Variants in KCNC4 observed in about 807,000 individuals in gnomAD.
The protein encoded by KCNC4 is potassium voltage-gated channel subfamily C member 4.
Under a neutral mutation model 42.8 loss-of-function variants are expected in KCNC4, and 23 were observed. The ratio of observed to expected loss-of-function variants is 0.54; its 90% CI spans 0.39 to 0.76. The LOEUF (loss-of-function observed/expected upper bound fraction) is 0.76. KCNC4 is among the 30% of genes least tolerant of loss of function. The pLI, the probability that KCNC4 is intolerant of heterozygous loss-of-function variation, is 0.00. For missense variants in KCNC4, 751 were observed against 898.2 expected, an observed-to-expected ratio of 0.84 and a Z score of 2.10; for synonymous variants, 422 against 393.5, an observed-to-expected ratio of 1.07 and a Z score of -0.86.
intron 1 of KCNC4, among the ~76,000 whole-genome samples, chr1:110,214,490 C>T (rs1657671581): frequency 6.6e-6 from 1 of 152,188 alleles, no homozygotes; most frequent in Admixed American, 6.5e-5. Context: ...TGAATAACTG[C>T]TCATTATTGA....
rs372407799 is a variant in KCNC4 at position 110,223,802 on chromosome 1, T to C, written c.1517T>C (p.Met506Thr). 11 of 1,613,988 alleles carry C rather than the reference T, an allele frequency of 6.8e-6. No homozygotes were observed. The African/African-American group carries it at 1.2e-4, about 18-fold the overall frequency. The change falls in exon 2 of 4, where the codon ATG becomes ACG. Residue 506 changes from methionine (M) to threonine (T), a missense_variant. Transcript: ENST00000438661. The surrounding 1 kb of genome is among the most constrained non-coding windows in gnomAD (Gnocchi z 7.5). ...CGGCCGGCGCAGCTGGAGTCACCCA[T>C]GTACTGCAAGTCTGAGGAGACTTCC... Reference protein sequence around the residue: ...VPRPAQLESPMYCKSEETSPR... With the variant: ...VPRPAQLESPTYCKSEETSPR...
chr1:110,238,707 C>T (rs978971262), downstream of KCNC4: 4 of 152,172 alleles, frequency 2.6e-5, no homozygotes, highest in Non-Finnish European at 4.4e-5. Flanking sequence ...CCTCCCTGGT[C>T]CCCCTCAGCG....
chr1:110,226,141 T>C lies in KCNC4; in HGVS notation c.1782T>C (p.Thr594=), dbSNP rs1470661090. The C allele has an allele frequency of 5.0e-6, 8 of 1,614,028 alleles. No individual in the cohort carries two copies. Among genetic ancestry groups the C allele is most frequent in the African/African-American group, 1.3e-5 (1 of 74,980 alleles). ...CAGCTGCCTGCTTCCTGCTCAGCAC[T>C]GGGGACTATGCCTGCGCCGATGGTA... ...KKAAACFLLS[T]GDYACADGSV... is the part of the protein sequence containing the mutation. Residue 594 remains threonine, a synonymous_variant, in exon 3 of 4, where the codon ACT becomes ACC. Coordinates refer to ENST00000438661, the MANE Select transcript of KCNC4 (RefSeq NM_001039574.3).
At chr1:110,213,552 A>C (rs1657622434) in intron 1 of KCNC4, among the ~76,000 whole-genome samples, 1 of 152,210 alleles carries the variant, frequency 6.6e-6, no homozygotes, top group African/African-American at 2.4e-5. Context: ...TGCCTGGAAG[A>C]GAAGGGAGGA....
rs776168133 is a variant in KCNC4 at position 110,223,554 on chromosome 1, C to A, written c.1269C>A (p.Ile423=). The change falls in exon 2 of 4, where the codon ATC becomes ATA. Residue 423 remains isoleucine (I), a synonymous_variant. Coordinates refer to ENST00000438661, the MANE Select transcript of KCNC4 (RefSeq NM_001039574.3). The surrounding 1 kb of genome is among the most constrained non-coding windows in gnomAD (Gnocchi z 7.5). The part of the protein sequence containing the change: ...RGNDHTDFKN[I]PIGFWWAVVT... The stretch of plus-strand genomic sequence containing the variant: ...ATGACCACACCGACTTCAAGAACAT[C>A]CCCATTGGCTTCTGGTGGGCTGTGG... 5.6e-6 allele frequency: 9 copies of A among 1,614,026 alleles called. No individual in the cohort carries two copies. The highest frequency in any genetic ancestry group is 2.5e-6 in the Non-Finnish European group (3 of 1,180,040).
intron 3 of KCNC4, among the ~76,000 whole-genome samples, chr1:110,231,825 A>G (rs57201143): frequency 0.39 from 57,296 of 148,260 alleles, 11,470 homozygotes; most frequent in Non-Finnish European, 0.44. Context: ...TGGGGCATAC[A>G]GTCTTAAGAA....
chr1:110,211,254 C>T lies in KCNC4; in HGVS notation c.-246C>T, dbSNP rs541678742. ...GCTTCTACTTCCCCGGGTCCTCCCT[C>T]TCTGCGCCTCCCTCTCTCCGGAGCT... On this transcript the variant is annotated 5_prime_UTR_variant, in exon 1 of 4. Coordinates refer to ENST00000438661, the MANE Select transcript of KCNC4 (RefSeq NM_001039574.3). This position sits in a 1 kb window ranked among gnomAD's most constrained non-coding sequence, Gnocchi z 6.5. 1.3e-3 allele frequency: 722 copies of T among 554,212 alleles called. 2 individuals are homozygous for T. Among genetic ancestry groups the T allele is most frequent in the Non-Finnish European group, 2.1e-3 (653 of 315,712 alleles). 34.3% of individuals were successfully genotyped at this position (554,212 alleles called of 1,614,324 possible).
chr1:110,262,502 G>A (rs74834175), intron 1 of KCNC4, among the ~76,000 whole-genome samples: 17,568 of 152,150 alleles, frequency 0.12, 1,414 homozygotes, highest in African/African-American at 0.21. Flanking sequence ...ATCTGCAGCC[G>A]CTGCATTTGT....
intron 3 of KCNC4, 168 bp from the exon 4 acceptor site, chr1:110,232,743 C>G: frequency 1.3e-6 from 2 of 1,530,172 alleles, no homozygotes; most frequent in Non-Finnish European, 1.7e-6. Context: ...TGCTCCTGGT[C>G]TACTCCTTAG....
At chr1:110,227,070 G>A (rs887711867) in intron 3 of KCNC4, among the ~76,000 whole-genome samples, 2 of 152,140 alleles carry the variant, frequency 1.3e-5, no homozygotes, top group African/African-American at 4.8e-5. Flanking sequence ...CTCACTCAAT[G>A]TTCTACCTCT....
At chr1:110,281,165 C>T (rs114580248) in intron 1 of KCNC4, among the ~76,000 whole-genome samples, 134 of 152,274 alleles carry the variant, frequency 8.8e-4, no homozygotes, top group African/African-American at 2.9e-3. Flanking sequence ...ACTTCCCTGG[C>T]TCTGGGCCAA....
At chr1:110,259,050 T>TG (rs1659382674) in intron 1 of KCNC4, among the ~76,000 whole-genome samples, 1 of 152,222 alleles carries the variant, frequency 6.6e-6, no homozygotes, top group African/African-American at 2.4e-5. Context: ...GCACAGCCTG[T>TG]CACAGATGGC....
downstream of KCNC4, among the ~76,000 whole-genome samples, chr1:110,251,528 T>C (rs1386819538): frequency 2.0e-5 from 3 of 152,184 alleles, no homozygotes; most frequent in African/African-American, 7.2e-5. Flanking sequence ...ACCTCTTTCT[T>C]TTGTAAATAA....
intron 1 of KCNC4, among the ~76,000 whole-genome samples, chr1:110,266,932 C>T (rs1272832945): frequency 1.5e-5 from 2 of 130,296 alleles, no homozygotes; most frequent in African/African-American, 5.9e-5. Context: ...AAGCATCCCA[C>T]TTTCTCACTT....
downstream of KCNC4, among the ~76,000 whole-genome samples, chr1:110,254,114 G>A (rs1659291895): frequency 6.9e-6 from 1 of 145,016 alleles, no homozygotes; most frequent in Admixed American, 7.1e-5. Context: ...CGTTTCTGTT[G>A]TTGTTTTGCC....
chr1:110,221,935 C>T (rs945691608), intron 1 of KCNC4: 1 of 152,228 alleles, frequency 6.6e-6, no homozygotes, highest in Non-Finnish European at 1.5e-5. Context: ...TGCATTTCAT[C>T]TCCATTCATA....
At chr1:110,217,030 A>G (rs1328802217) in intron 1 of KCNC4, among the ~76,000 whole-genome samples, 1 of 152,212 alleles carries the variant, frequency 6.6e-6, no homozygotes, top group Admixed American at 6.5e-5. Context: ...GTCATTCAGA[A>G]AACACTTACT....
At chr1:110,280,230 A>G (rs766194788) in intron 1 of KCNC4, among the ~76,000 whole-genome samples, 3 of 152,142 alleles carry the variant, frequency 2.0e-5, no homozygotes, top group Non-Finnish European at 4.4e-5. Flanking sequence ...TATGATGGCC[A>G]GCTAGAGGGC....
At chr1:110,227,693 C>T (rs751135370) in intron 3 of KCNC4, among the ~76,000 whole-genome samples, 7 of 152,296 alleles carry the variant, frequency 4.6e-5, no homozygotes, top group African/African-American at 9.6e-5. Flanking sequence ...CAGTCTAGAA[C>T]GAGTGGTCCC....
Sources: gnomAD v4.1 joint callset for allele counts (sites outside exome capture counted in the v4.1 genomes callset) on GRCh38, gnomAD v4.1.1 for gene constraint, Gnocchi (gnomAD v3.1) non-coding constraint, MANE v1.5 for transcripts, NCBI Gene and HGNC (gene_info 2026-07-23, HGNC 2026-07-21) for gene names.